Variants in RBFOX1 observed in about 807,000 individuals in gnomAD.
RBFOX1 encodes the protein RNA binding protein fox-1 homolog 1.
RBFOX1 carries 8 observed loss-of-function variants against 57.7 expected under a neutral mutation model. The ratio of observed to expected loss-of-function variants is 0.14; its 90% CI spans 0.08 to 0.25. The LOEUF (loss-of-function observed/expected upper bound fraction) is 0.25. RBFOX1 is among the 10% of genes least tolerant of loss of function. RBFOX1 has a pLI of 1.00. For synonymous variants in RBFOX1, 326 were observed against 222.4 expected, an observed-to-expected ratio of 1.47 and a Z score of -4.15; for missense variants, 611 against 548.5, an observed-to-expected ratio of 1.11 and a Z score of -1.14.
intron 3 of RBFOX1, among the ~76,000 whole-genome samples, chr16:6,968,083 G>C (rs55872140): frequency 0.027 from 4,111 of 152,176 alleles, 188 homozygotes; most frequent in African/African-American, 0.094. Flanking sequence ...ATGCATGAGA[G>C]AGCCACTGGA....
At chr16:6,076,942 A>T (rs1276036456) in intron 1 of RBFOX1, among the ~76,000 whole-genome samples, 2 of 152,192 alleles carry the variant, frequency 1.3e-5, no homozygotes, top group Non-Finnish European at 2.9e-5. Flanking sequence ...CAGTGCACTT[A>T]ATAAGATGAA....
At chr16:6,004,792 A>C (rs538807790) in intron 4 of RBFOX1, among the ~76,000 whole-genome samples, 4 of 152,300 alleles carry the variant, frequency 2.6e-5, no homozygotes, top group African/African-American at 9.6e-5. Flanking sequence ...TTTTATTGAC[A>C]TGCAGTGTAA....
At chr16:5,930,856 G>A (rs1457595710) in intron 4 of RBFOX1, among the ~76,000 whole-genome samples, 1 of 145,964 alleles carries the variant, frequency 6.9e-6, no homozygotes, top group Non-Finnish European at 1.5e-5. Context: ...ACCGATGGAT[G>A]CATGGATGGA....
Position 5,375,021 on chromosome 16 carries a change from T to C in RBFOX1, c.220-92195T>C, listed in dbSNP as rs575407202. On this transcript the variant is annotated intron_variant, in intron 1 of 2. Coordinates refer to the RBFOX1 transcript ENST00000585867. ...GTCTGGAATTCCAGAGAGGCCACCATTGTGCCAGACACAGGCAGTAGTTCC... is the reference window on the plus strand; with the variant it reads ...GTCTGGAATTCCAGAGAGGCCACCACTGTGCCAGACACAGGCAGTAGTTCC... Among the ~76,000 whole-genome samples the C allele has an allele frequency of 1.0e-3, 152 of 145,540 alleles. 1 individual carries two copies. Among genetic ancestry groups the C allele is most frequent in the African/African-American group, 3.8e-3 (148 of 38,552 alleles).
chr16:7,078,696 T>A (rs1003338527), intron 4 of RBFOX1, among the ~76,000 whole-genome samples: 23 of 149,472 alleles, frequency 1.5e-4, no homozygotes, highest in Admixed American at 7.3e-4. Context: ...ATTTTATTTT[T>A]TTTTGAGACA....
At chr16:6,892,775 C>CTCTCTCTCTCTCTCT (rs1567747539) in intron 3 of RBFOX1, among the ~76,000 whole-genome samples, 13 of 84,720 alleles carry the variant, frequency 1.5e-4, no homozygotes, top group African/African-American at 2.5e-4. Context: ...TCCCTGTCTC[C>CTCTCTCTCTCTCTCT]CTCTCTCTCT....
chr16:6,518,477 C>T (rs756688289), intron 2 of RBFOX1, among the ~76,000 whole-genome samples: 13 of 152,050 alleles, frequency 8.5e-5, no homozygotes, highest in Non-Finnish European at 1.6e-4. Context: ...TACAGATGGG[C>T]ACACTGAGAG....
At chr16:6,785,454 G>C (rs543018826) in intron 3 of RBFOX1, among the ~76,000 whole-genome samples, 1 of 152,202 alleles carries the variant, frequency 6.6e-6, no homozygotes, top group South Asian at 2.1e-4. Context: ...GAAGAATCTA[G>C]ACTAGACAAT....
rs1265070353 is a variant in RBFOX1 at position 5,470,001 on chromosome 16, T to C, written c.258+2747T>C. Among the ~76,000 whole-genome samples the C allele has an allele frequency of 3.9e-5, 6 of 152,346 alleles. No homozygotes were observed. In the East Asian group the frequency reaches 9.6e-4, roughly 24 times the overall value. ...TGTCTGAGTTCCTGTTTTTGGTTCT[T>C]GTGGGTATATACCTAGGAGTGGAAT... On this transcript the variant is annotated intron_variant, in intron 2 of 2. Transcript: ENST00000585867.
At chr16:5,856,217 G>A (rs56398030) in intron 3 of RBFOX1, among the ~76,000 whole-genome samples, 4,642 of 30,564 alleles carry the variant, frequency 0.15, 315 homozygotes, top group East Asian at 0.31. Flanking sequence ...ACATATATAT[G>A]TATATATATA....
chr16:6,956,528 G>C (rs2081883569), intron 3 of RBFOX1, among the ~76,000 whole-genome samples: 1 of 152,164 alleles, frequency 6.6e-6, no homozygotes, highest in Admixed American at 6.5e-5. Context: ...TGGGGAAGGA[G>C]AATTGAAACC....
chr16:7,263,026 T>C (rs1318153172), intron 4 of RBFOX1, among the ~76,000 whole-genome samples: 4 of 152,216 alleles, frequency 2.6e-5, no homozygotes, highest in African/African-American at 9.6e-5. Flanking sequence ...TTCTGCAGCC[T>C]CTGCAGGTGG....
rs538576404 is a variant in RBFOX1 at position 5,734,019 on chromosome 16, G to C, written c.319-133284G>C. ...ACCTATTAGAGCTGAAGAGAACTTC[G>C]TTGTCCATGTAATAAGAACATGCAC... On this transcript the variant is annotated intron_variant, in intron 3 of 19. Coordinates refer to the RBFOX1 transcript ENST00000641259. Among the ~76,000 whole-genome samples, 10 of 152,106 alleles carry C rather than the reference G, an allele frequency of 6.6e-5. No homozygotes were observed. In the East Asian group the frequency reaches 1.5e-3, roughly 24 times the overall value.
intron 2 of RBFOX1, among the ~76,000 whole-genome samples, chr16:5,542,244 ATTT>A (rs5815254): frequency 0.026 from 3,191 of 122,400 alleles, 26 homozygotes; most frequent in African/African-American, 0.052. Flanking sequence ...ACAGGTATTG[ATTT>A]TTTTTTTTTT....
chr16:7,172,517 G>C (rs754926779), intron 4 of RBFOX1, among the ~76,000 whole-genome samples: 2 of 152,038 alleles, frequency 1.3e-5, no homozygotes, highest in African/African-American at 2.4e-5. Context: ...GCTACCTTCT[G>C]CAAATTAGCA....
chr16:7,448,925 C>CTTTTTTTTTTTTTTTTTTTTTTT (rs1491185704), intron 4 of RBFOX1, among the ~76,000 whole-genome samples: 1 of 28,778 alleles, frequency 3.5e-5, no homozygotes, highest in African/African-American at 1.0e-4. Flanking sequence ...TTTCTTTCCC[C>CTTTTTTTTTTTTTTTTTTTTTTT]TGTTTTTTTT....
At chr16:7,366,319 C>T (rs1301474438) in intron 4 of RBFOX1, among the ~76,000 whole-genome samples, 1 of 152,228 alleles carries the variant, frequency 6.6e-6, no homozygotes, top group Non-Finnish European at 1.5e-5. Context: ...GATCGTTGAG[C>T]ACCCTGGCTG....
chr16:5,655,318 G>C (rs2151376397), intron 3 of RBFOX1, among the ~76,000 whole-genome samples: 1 of 152,286 alleles, frequency 6.6e-6, no homozygotes, highest in East Asian at 1.9e-4. Flanking sequence ...CCCATTTCAT[G>C]CGGGTAAGAT....
chr16:7,217,338 C>G (rs543786647), intron 4 of RBFOX1, among the ~76,000 whole-genome samples: 85 of 115,398 alleles, frequency 7.4e-4, no homozygotes, highest in African/African-American at 2.8e-3. Context: ...GCCAAGTTGG[C>G]TAGGCTAGTG....
Sources: gnomAD v4.1 joint callset for allele counts (sites outside exome capture counted in the v4.1 genomes callset) on GRCh38, gnomAD v4.1.1 for gene constraint, MANE v1.5 for transcripts, NCBI Gene and HGNC (gene_info 2026-07-23, HGNC 2026-07-21) for gene names.